The following PDE3A variants were observed in gnomAD, a reference collection of about 807,000 sequenced individuals.
PDE3A encodes cGMP-inhibited 3',5'-cyclic phosphodiesterase 3A.
A neutral mutation model predicts 98.3 loss-of-function variants in PDE3A; 43 were observed. The ratio of observed to expected loss-of-function variants is 0.44; its 90% CI spans 0.34 to 0.56. PDE3A has a LOEUF of 0.56. PDE3A is among the 20% of genes least tolerant of loss of function. The probability of loss-of-function intolerance (pLI) is 0.01; values close to 1 mark genes in which losing one functional copy is unlikely to be tolerated. For missense variants in PDE3A, 1,427 were observed against 1,440.7 expected (o/e 0.99, Z 0.15); for synonymous variants, 663 against 567.9 (o/e 1.17, Z -2.38).
intron 15 of PDE3A, among the ~76,000 whole-genome samples, chr12:20,664,390 C>A (rs562087197): frequency 2.1e-4 from 32 of 152,260 alleles, no homozygotes; most frequent in Middle Eastern, 3.4e-3. Flanking sequence ...AAAGAACAGA[C>A]CTCTCTTCTA....
intron 1 of PDE3A, among the ~76,000 whole-genome samples, chr12:20,506,660 A>G (rs138780119): frequency 1.5e-4 from 23 of 152,178 alleles, no homozygotes; most frequent in African/African-American, 5.5e-4. Flanking sequence ...TTGATACGTT[A>G]ACCTGGTTAA....
chr12:20,680,200 A>C lies in PDE3A; in HGVS notation c.3355A>C (p.Ile1119Leu). 2 of 1,613,914 alleles carry C rather than the reference A, an allele frequency of 1.2e-6. No homozygotes were observed. The highest frequency in any genetic ancestry group is 1.7e-6 in the Non-Finnish European group (2 of 1,179,860). The stretch of plus-strand genomic sequence containing the variant: ...GCACTCTTCAGAACAGATCCAGGCT[A>C]TCAAGGAAGAAGAAGAAGAGAAAGG... ...QSHSSEQIQA[I>L]KEEEEEKGKP... is the part of the protein sequence containing the mutation. The change falls in exon 16 of 16, where the codon ATC (isoleucine) becomes CTC (leucine). Residue 1119 changes from isoleucine to leucine, a missense_variant. Around this residue, in one of 3 missense-constraint regions of PDE3A, gnomAD observed 142 missense variants for 133.9 expected, o/e 1.06. Transcript: ENST00000359062.
chr12:20,640,071 A>C, intron 10 of PDE3A, 114 bp downstream of exon 10: 1 of 578,160 alleles, frequency 1.7e-6, no homozygotes. Flanking sequence ...GTAGACGCTC[A>C]ATATGGAGAC....
At chr12:20,634,160 T>C (rs1342076588) in intron 7 of PDE3A, among the ~76,000 whole-genome samples, 2 of 152,176 alleles carry the variant, frequency 1.3e-5, no homozygotes, top group Non-Finnish European at 2.9e-5. Context: ...CAAGAGGCCA[T>C]TTTATATAAT....
intron 13 of PDE3A, among the ~76,000 whole-genome samples, chr12:20,649,178 G>A (rs767155607): frequency 5.3e-5 from 8 of 151,720 alleles, no homozygotes; most frequent in Admixed American, 2.0e-4. Flanking sequence ...TGATCCACCC[G>A]CCTCGGCCTC....
intron 1 of PDE3A, among the ~76,000 whole-genome samples, chr12:20,514,778 C>T (rs1400896233): frequency 6.6e-6 from 1 of 152,168 alleles, no homozygotes; most frequent in Non-Finnish European, 1.5e-5. Context: ...AATTTGGCTT[C>T]CCACATTAGT....
chr12:20,512,886 C>G (rs1025490106), intron 1 of PDE3A, among the ~76,000 whole-genome samples: 2 of 152,084 alleles, frequency 1.3e-5, no homozygotes, highest in Non-Finnish European at 2.9e-5. Context: ...TAACACCTAT[C>G]ATTATATAAA....
At chr12:20,604,644 A>C (rs925296580) in intron 2 of PDE3A, among the ~76,000 whole-genome samples, 1 of 152,218 alleles carries the variant, frequency 6.6e-6, no homozygotes, top group Non-Finnish European at 1.5e-5. Flanking sequence ...CTTAACAGAC[A>C]TAATTAGGAC....
intron 1 of PDE3A, among the ~76,000 whole-genome samples, chr12:20,515,957 C>T (rs1592008194): frequency 1.3e-5 from 2 of 150,994 alleles, no homozygotes; most frequent in Middle Eastern, 3.4e-3. Flanking sequence ...TGGTCTCGAT[C>T]TCCTGACCTC....
intron 15 of PDE3A, among the ~76,000 whole-genome samples, chr12:20,674,810 A>G (rs1258317473): frequency 1.3e-5 from 2 of 150,358 alleles, no homozygotes; most frequent in South Asian, 4.3e-4. Context: ...TTCATTTCTG[A>G]TTTTATTTTT....
intron 10 of PDE3A, among the ~76,000 whole-genome samples, chr12:20,641,693 A>C (rs879701291): frequency 2.6e-5 from 4 of 152,224 alleles, no homozygotes; most frequent in Non-Finnish European, 5.9e-5. Flanking sequence ...GCAAATGTTT[A>C]AGTACAAAAA....
chr12:20,645,793 A>T (rs1944762852), intron 10 of PDE3A, among the ~76,000 whole-genome samples: 1 of 152,060 alleles, frequency 6.6e-6, no homozygotes, highest in African/African-American at 2.4e-5. Context: ...CATCAACCAG[A>T]TGATGGCATT....
chr12:20,597,279 G>A (rs1055566247), intron 2 of PDE3A, among the ~76,000 whole-genome samples: 1 of 152,136 alleles, frequency 6.6e-6, no homozygotes, highest in Non-Finnish European at 1.5e-5. Flanking sequence ...TTCTGAGAGG[G>A]AAGGGAGTTT....
At chr12:20,502,866 A>G (rs953201913) in intron 1 of PDE3A, among the ~76,000 whole-genome samples, 33 of 152,138 alleles carry the variant, frequency 2.2e-4, no homozygotes, top group Non-Finnish European at 4.1e-4. Flanking sequence ...GGTGTTTGGG[A>G]GCTGGACAGA....
At chr12:20,516,878 A>G (rs1946331916) in intron 1 of PDE3A, among the ~76,000 whole-genome samples, 1 of 152,208 alleles carries the variant, frequency 6.6e-6, no homozygotes, top group Non-Finnish European at 1.5e-5. Context: ...AAAATATTTT[A>G]TTCTGTGAGG....
chr12:20,579,408 T>TA (rs1943014214), intron 2 of PDE3A, among the ~76,000 whole-genome samples: 1 of 147,352 alleles, frequency 6.8e-6, no homozygotes, highest in African/African-American at 2.5e-5. Context: ...CTTTTTTTTT[T>TA]ATCCTTGCAA....
intron 15 of PDE3A, among the ~76,000 whole-genome samples, chr12:20,657,841 G>GA (rs1244220335): frequency 2.0e-5 from 3 of 152,096 alleles, no homozygotes; most frequent in Admixed American, 6.5e-5. Context: ...GCCCTGGAAG[G>GA]AAAAAAGAGG....
At chr12:20,558,014 G>T (rs953241486) in intron 2 of PDE3A, among the ~76,000 whole-genome samples, 8 of 152,094 alleles carry the variant, frequency 5.3e-5, no homozygotes, top group African/African-American at 1.4e-4. Context: ...GGTTTCTGAT[G>T]ATTGCCACCA....
rs539285577 is a variant in PDE3A at position 20,641,248 on chromosome 12, T to A, written c.2251+1291T>A. ...CAAAATACAGACAGAGTAAGGCAGTTGGAGTACGGGAAAGAGGAGCTCAAC... is the reference window on the plus strand; with the variant it reads ...CAAAATACAGACAGAGTAAGGCAGTAGGAGTACGGGAAAGAGGAGCTCAAC... On this transcript the variant is annotated intron_variant, in intron 10 of 15. Transcript: ENST00000359062. Among the ~76,000 whole-genome samples the A allele has an allele frequency of 1.7e-3, 260 of 152,234 alleles. 1 individual carries two copies. Among genetic ancestry groups the A allele is most frequent in the Non-Finnish European group, 2.9e-3 (196 of 68,002 alleles).
Sources: allele counts gnomAD v4.1 joint callset (sites outside exome capture counted in the v4.1 genomes callset), GRCh38; gene constraint gnomAD v4.1.1; regional missense constraint gnomAD v4.1.1; transcripts MANE v1.5; gene names NCBI Gene and HGNC (gene_info 2026-07-23, HGNC 2026-07-21).